Variants in APBA2 observed in about 807,000 individuals in gnomAD.
The protein encoded by APBA2 is amyloid-beta A4 precursor protein-binding family A member 2.
APBA2 carries 30 observed loss-of-function variants against 75.0 expected under a neutral mutation model. The observed-to-expected ratio is 0.40, with a 90% CI of 0.30 to 0.54. The LOEUF (loss-of-function observed/expected upper bound fraction) is 0.54, where lower values mean the gene tolerates loss of function less well. APBA2 is among the 20% of genes least tolerant of loss of function. The probability of loss-of-function intolerance (pLI) is 0.49; values close to 1 mark genes in which losing one functional copy is unlikely to be tolerated. For synonymous variants in APBA2, 444 were observed against 409.6 expected (o/e 1.08, Z -1.01); for missense variants, 801 against 1,016.1 (o/e 0.79, Z 2.88).
At chr15:29,006,952 T>A (rs1032863560) in intron 3 of APBA2, among the ~76,000 whole-genome samples, 8 of 152,160 alleles carry the variant, frequency 5.3e-5, no homozygotes, top group African/African-American at 1.9e-4. Flanking sequence ...TGAATAGTAA[T>A]AGCAATCTTA....
intron 13 of APBA2, among the ~76,000 whole-genome samples, chr15:29,113,051 A>G (rs1477659272): frequency 6.6e-6 from 1 of 152,178 alleles, no homozygotes; most frequent in African/African-American, 2.4e-5. Context: ...TCCAGGGCTG[A>G]GTACTGTTTC....
At chr15:29,080,866 C>CT (rs922921301) in intron 6 of APBA2, among the ~76,000 whole-genome samples, 1 of 152,206 alleles carries the variant, frequency 6.6e-6, no homozygotes, top group African/African-American at 2.4e-5. Context: ...TCTTACTCTG[C>CT]TTTTTGTACT....
intron 3 of APBA2, among the ~76,000 whole-genome samples, chr15:29,016,203 G>A (rs998215724): frequency 6.6e-6 from 1 of 152,300 alleles, no homozygotes; most frequent in South Asian, 2.1e-4. Context: ...GTTGCAGTGA[G>A]CTGATATGGC....
chr15:29,080,454 C>T (rs1318266757), intron 6 of APBA2, among the ~76,000 whole-genome samples: 1 of 152,150 alleles, frequency 6.6e-6, no homozygotes, highest in African/African-American at 2.4e-5. Context: ...CGCAGGATCA[C>T]AGCCTTCTCT....
At chr15:28,926,619 C>T (rs906672086) in intron 2 of APBA2, among the ~76,000 whole-genome samples, 1 of 151,782 alleles carries the variant, frequency 6.6e-6, no homozygotes, top group Non-Finnish European at 1.5e-5. Flanking sequence ...TTTTTGAATA[C>T]CTCTTTTTTA....
chr15:29,070,893 T>C (rs1332239532), intron 4 of APBA2: 1 of 331,026 alleles, frequency 3.0e-6, no homozygotes. Flanking sequence ...CCAGAGAAGA[T>C]TGTCATCTAA....
At chr15:29,058,327 A>AGG (rs2152897045) in intron 4 of APBA2, among the ~76,000 whole-genome samples, 1 of 152,246 alleles carries the variant, frequency 6.6e-6, no homozygotes, top group African/African-American at 2.4e-5. Flanking sequence ...CCTGACCAAC[A>AGG]TGGTGAAACC....
At chr15:29,035,441 C>A (rs1164779783) in intron 3 of APBA2, among the ~76,000 whole-genome samples, 1 of 152,032 alleles carries the variant, frequency 6.6e-6, no homozygotes, top group Non-Finnish European at 1.5e-5. Flanking sequence ...CCTGCTCAGG[C>A]CAGTTAAGTG....
chr15:29,083,530 G>GT (rs1555408635), intron 6 of APBA2, among the ~76,000 whole-genome samples: 7 of 151,872 alleles, frequency 4.6e-5, no homozygotes, highest in Admixed American at 6.6e-5. Flanking sequence ...AAACTCTTTT[G>GT]TTTGTTTTGT....
At chr15:29,096,168 A>G (rs1029306971) in intron 8 of APBA2, among the ~76,000 whole-genome samples, 1 of 152,172 alleles carries the variant, frequency 6.6e-6, no homozygotes, top group African/African-American at 2.4e-5. Context: ...CATGGGGATG[A>G]CTGCAGGTCA....
chr15:29,017,124 AG>A (rs1382543164), intron 3 of APBA2, among the ~76,000 whole-genome samples: 2 of 151,910 alleles, frequency 1.3e-5, no homozygotes, highest in African/African-American at 4.8e-5. Flanking sequence ...TGAGGATAGG[AG>A]GCTTTGCAGC....
intron 3 of APBA2, among the ~76,000 whole-genome samples, chr15:29,015,672 A>G (rs2039622094): frequency 6.6e-6 from 1 of 152,248 alleles, no homozygotes; most frequent in African/African-American, 2.4e-5. Flanking sequence ...TTTCTTGCTC[A>G]TATGCTAATA....
At chr15:28,941,545 C>T (rs949256727) in intron 2 of APBA2, among the ~76,000 whole-genome samples, 7 of 138,834 alleles carry the variant, frequency 5.0e-5, no homozygotes, top group Non-Finnish European at 9.3e-5. Flanking sequence ...GCACAACCAA[C>T]GGTTAAAGGG....
At chr15:29,088,898 A>C (rs1239488640) in intron 6 of APBA2, among the ~76,000 whole-genome samples, 1 of 152,130 alleles carries the variant, frequency 6.6e-6, no homozygotes, top group African/African-American at 2.4e-5. Context: ...CTAAGGTGTC[A>C]TTGTCTCTGC....
intron 2 of APBA2, among the ~76,000 whole-genome samples, chr15:28,980,363 T>C (rs536595591): frequency 1.3e-5 from 2 of 152,310 alleles, no homozygotes; most frequent in South Asian, 4.1e-4. Flanking sequence ...CTCCTGTAAC[T>C]GATAAACAAC....
At chr15:28,913,362 G>A (rs1353093631) in intron 1 of APBA2, among the ~76,000 whole-genome samples, 1 of 152,224 alleles carries the variant, frequency 6.6e-6, no homozygotes, top group Non-Finnish European at 1.5e-5. Flanking sequence ...CTGCTCAGCA[G>A]TGGCCCGTGC....
At chr15:28,993,679 G>A (rs376503281) in intron 2 of APBA2, among the ~76,000 whole-genome samples, 3 of 152,186 alleles carry the variant, frequency 2.0e-5, no homozygotes, top group African/African-American at 4.8e-5. Context: ...TGCCTTTGTC[G>A]GAAGTCAGTG....
chr15:28,979,681 T>C (rs979384425), intron 2 of APBA2, among the ~76,000 whole-genome samples: 21 of 152,196 alleles, frequency 1.4e-4, no homozygotes, highest in African/African-American at 4.8e-4. Context: ...GATGGCCTTC[T>C]GGGCGGAGCG....
intron 2 of APBA2, among the ~76,000 whole-genome samples, chr15:28,926,857 CTT>C (rs1183331218): frequency 7.9e-5 from 10 of 126,708 alleles, no homozygotes; most frequent in Admixed American, 3.2e-4. Context: ...CTCTCTCTCT[CTT>C]TTTTTTTTTT....
Sources: gnomAD v4.1 joint callset for allele counts (sites outside exome capture counted in the v4.1 genomes callset) on GRCh38, gnomAD v4.1.1 for gene constraint, MANE v1.5 for transcripts, NCBI Gene and HGNC (gene_info 2026-07-23, HGNC 2026-07-21) for gene names.